CSMD1: variants seen among roughly 807,000 people sequenced by gnomAD.
CSMD1 encodes CUB and Sushi multiple domains 1, also known as CUB and sushi domain-containing protein 1.
CSMD1 carries 213 observed loss-of-function variants against 417.5 expected under a neutral mutation model. The ratio of observed to expected loss-of-function variants is 0.51; its 90% CI spans 0.46 to 0.57. CSMD1 has a LOEUF of 0.57. CSMD1 is among the 20% of genes least tolerant of loss of function. CSMD1 has a pLI of 0.00. For missense variants in CSMD1, 6,923 were observed against 4,529.7 expected (o/e 1.53, Z -15.17); for synonymous variants, 2,862 against 1,736.8 (o/e 1.65, Z -16.11).
chr8:4,816,505 G>T (rs746469361), intron 1 of CSMD1, among the ~76,000 whole-genome samples: 2 of 152,056 alleles, frequency 1.3e-5, no homozygotes, highest in African/African-American at 4.8e-5. Flanking sequence ...TGGGATTACA[G>T]GTGTGAGCCA....
At chr8:4,802,518 T>C (rs1411893834) in intron 1 of CSMD1, among the ~76,000 whole-genome samples, 3 of 151,868 alleles carry the variant, frequency 2.0e-5, no homozygotes, top group African/African-American at 7.3e-5. Context: ...AAAGACAGAG[T>C]GTGAATTTCC....
intron 3 of CSMD1, among the ~76,000 whole-genome samples, chr8:4,182,347 C>A (rs1196608238): frequency 6.6e-6 from 1 of 152,082 alleles, no homozygotes; most frequent in Admixed American, 6.6e-5. Flanking sequence ...CCCCAATACA[C>A]CTTCCACATG....
chr8:3,491,200 G>A (rs563792549), intron 11 of CSMD1, among the ~76,000 whole-genome samples: 14 of 152,098 alleles, frequency 9.2e-5, no homozygotes, highest in African/African-American at 3.1e-4. Context: ...AAGCATGGTA[G>A]GTCCACAGGC....
At chr8:4,459,834 C>G (rs117509288) in intron 2 of CSMD1, among the ~76,000 whole-genome samples, 1 of 152,060 alleles carries the variant, frequency 6.6e-6, no homozygotes, top group Non-Finnish European at 1.5e-5. Context: ...GTCACTGGGC[C>G]TAGATAACTA....
chr8:3,039,761 G>C lies in CSMD1; in HGVS notation c.7661-10248C>G, dbSNP rs147793359. Among the ~76,000 whole-genome samples the C allele has an allele frequency of 4.6e-3, 706 of 152,248 alleles. 4 individuals are homozygous for C. Among genetic ancestry groups the C allele is most frequent in the Middle Eastern group, 0.017 (5 of 294 alleles). The stretch of plus-strand genomic sequence containing the variant: ...CCTGTCTATAGCAACTTGAGTTACA[G>C]CACGGCCTTAAAACCCAGAGATTAG... On this transcript the variant is annotated intron_variant, in intron 50 of 69. Coordinates refer to ENST00000635120, the MANE Select transcript of CSMD1 (RefSeq NM_033225.6).
chr8:3,279,188 A>G (rs1802541895), intron 26 of CSMD1: 1 of 152,232 alleles, frequency 6.6e-6, no homozygotes, highest in South Asian at 2.1e-4. Flanking sequence ...CATGACATGA[A>G]TTACTGTGGC....
chr8:3,358,100 A>G (rs556458125), intron 21 of CSMD1, among the ~76,000 whole-genome samples: 78 of 152,308 alleles, frequency 5.1e-4, no homozygotes, highest in African/African-American at 1.9e-3. Context: ...AAGTTATGCT[A>G]AACAAGTTAT....
intron 2 of CSMD1, among the ~76,000 whole-genome samples, chr8:4,624,043 G>C (rs1324604036): frequency 6.6e-6 from 1 of 152,100 alleles, no homozygotes; most frequent in Admixed American, 6.5e-5. Context: ...CATCAAGCTA[G>C]TATTCAAAAT....
chr8:3,165,429 T>C (rs1820145812), intron 37 of CSMD1, among the ~76,000 whole-genome samples: 2 of 151,840 alleles, frequency 1.3e-5, no homozygotes, highest in Admixed American at 6.6e-5. Context: ...TTTTTATTTA[T>C]TTATTTTTTT....
chr8:3,926,579 T>A (rs765532903), intron 5 of CSMD1, among the ~76,000 whole-genome samples: 5 of 151,928 alleles, frequency 3.3e-5, no homozygotes, highest in Non-Finnish European at 5.9e-5. Flanking sequence ...TATTCTAACA[T>A]TTATTTCTGG....
Position 2,935,953 on chromosome 8 carries a change from A to T in CSMD1, c.*2632T>A, listed in dbSNP as rs1204020418. The stretch of plus-strand genomic sequence containing the variant: ...CTGTTAGTGTGTGGTCGCGTCCCTC[A>T]CGCGTGTTCCCGTTGCCTTCAGGGA... On this transcript the variant is annotated 3_prime_UTR_variant, in exon 70 of 70. Transcript: ENST00000635120. 3 of 152,224 alleles carry T rather than the reference A, an allele frequency of 2.0e-5. No homozygotes were observed. Among genetic ancestry groups the T allele is most frequent in the Non-Finnish European group, 4.4e-5 (3 of 68,052 alleles). The allele number at this position is 152,224 out of a possible 1,614,324, so 9.4% of individuals were successfully genotyped here. A position where few individuals can be genotyped will look rare whatever the true frequency, so the allele number is the denominator to read the frequency against.
At chr8:3,311,397 G>T (rs111876913) in intron 23 of CSMD1, among the ~76,000 whole-genome samples, 1 of 151,984 alleles carries the variant, frequency 6.6e-6, no homozygotes, top group Non-Finnish European at 1.5e-5. Context: ...CTATAAGTGC[G>T]AGCCATCACA....
At chr8:4,210,680 T>C (rs139756207) in intron 3 of CSMD1, among the ~76,000 whole-genome samples, 2 of 152,256 alleles carry the variant, frequency 1.3e-5, no homozygotes, top group African/African-American at 4.8e-5. Flanking sequence ...AGAAAGCCAA[T>C]TTTCCACTTC....
intron 25 of CSMD1, among the ~76,000 whole-genome samples, chr8:3,285,490 G>A (rs1803079937): frequency 1.3e-5 from 2 of 151,436 alleles, no homozygotes; most frequent in South Asian, 4.2e-4. Context: ...GGGTTCAAGT[G>A]ATTCTCCTGC....
At chr8:3,400,455 A>T in intron 15 of CSMD1, among the ~76,000 whole-genome samples, 1 of 152,144 alleles carries the variant, frequency 6.6e-6, no homozygotes, top group East Asian at 1.9e-4. Context: ...CATTTTAGCC[A>T]TGTTTTGATG....
chr8:3,305,579 G>C (rs1338435273), intron 25 of CSMD1, among the ~76,000 whole-genome samples: 44 of 152,140 alleles, frequency 2.9e-4, no homozygotes, highest in Non-Finnish European at 1.9e-4. Flanking sequence ...TCCTTGCTAT[G>C]TGATGCTCTC....
chr8:4,852,071 T>C (rs995439692), intron 1 of CSMD1, among the ~76,000 whole-genome samples: 1 of 152,216 alleles, frequency 6.6e-6, no homozygotes, highest in Non-Finnish European at 1.5e-5. Flanking sequence ...CTTCCTTACA[T>C]CAGATTCCCT....
At chr8:4,348,648 GGAGAGAGAGAGA>G (rs750381880) in intron 3 of CSMD1, among the ~76,000 whole-genome samples, 1 of 110,434 alleles carries the variant, frequency 9.1e-6, no homozygotes, top group South Asian at 3.2e-4. Context: ...AGAGGGAGGG[GGAGAGAGAGAGA>G]GAGAGAGAGA....
intron 54 of CSMD1, among the ~76,000 whole-genome samples, chr8:2,981,035 A>C (rs1324324281): frequency 1.3e-5 from 2 of 152,236 alleles, no homozygotes; most frequent in Admixed American, 6.5e-5. Flanking sequence ...AGTTGCAGTC[A>C]GAAGTCTTTC....
Sources: gnomAD v4.1 joint callset for allele counts (sites outside exome capture counted in the v4.1 genomes callset) on GRCh38, gnomAD v4.1.1 for gene constraint, MANE v1.5 for transcripts, NCBI Gene and HGNC (gene_info 2026-07-23, HGNC 2026-07-21) for gene names.